Variants in SLC24A2 observed in about 807,000 individuals in gnomAD.
SLC24A2 encodes sodium/potassium/calcium exchanger 2.
A neutral mutation model predicts 62.0 loss-of-function variants in SLC24A2; 36 were observed. The observed-to-expected ratio is 0.58, with a 90% CI of 0.44 to 0.77. The LOEUF (loss-of-function observed/expected upper bound fraction) is 0.77. Among genes scored for constraint, SLC24A2 ranks in the 30% least tolerant of loss-of-function variants. The probability of loss-of-function intolerance (pLI) is 0.00; values close to 1 mark genes in which losing one functional copy is unlikely to be tolerated. For synonymous variants in SLC24A2, 358 were observed against 294.0 expected, an observed-to-expected ratio of 1.22 and a Z score of -2.23; for missense variants, 846 against 817.9, an observed-to-expected ratio of 1.03 and a Z score of -0.42.
chr9:20,093,494 A>G, the SLC24A2 span, among the ~76,000 whole-genome samples: 5 of 152,116 alleles, frequency 3.3e-5, no homozygotes, highest in Admixed American at 1.3e-4. Context: ...CTCATGAAAT[A>G]TTTGTCTTTT....
At chr9:19,882,975 T>A in the SLC24A2 span, among the ~76,000 whole-genome samples, 1 of 152,132 alleles carries the variant, frequency 6.6e-6, no homozygotes, top group Non-Finnish European at 1.5e-5. Context: ...TGACTAAACA[T>A]TTTTTTAGCA....
chr9:19,690,715 T>G (rs775550357), intron 2 of SLC24A2, among the ~76,000 whole-genome samples: 1 of 152,288 alleles, frequency 6.6e-6, no homozygotes, highest in East Asian at 1.9e-4. Context: ...TTTTTCCTTT[T>G]TGCATAAATG....
chr9:19,938,831 C>T, the SLC24A2 span, among the ~76,000 whole-genome samples: 17 of 152,142 alleles, frequency 1.1e-4, no homozygotes, highest in Admixed American at 1.1e-3. Context: ...TAACATTTTG[C>T]TCCGCACATT....
intron 2 of SLC24A2, among the ~76,000 whole-genome samples, chr9:19,675,340 C>T (rs547713367): frequency 6.6e-6 from 1 of 152,200 alleles, no homozygotes; most frequent in Admixed American, 6.5e-5. Context: ...GGCCTCCTGC[C>T]AGGAGGTGGC....
At chr9:20,020,986 A>G in the SLC24A2 span, among the ~76,000 whole-genome samples, 160 of 152,156 alleles carry the variant, frequency 1.1e-3, no homozygotes, top group Admixed American at 3.6e-3. Context: ...ACGAATCAGA[A>G]GTTTACCCAT....
chr9:19,774,888 A>G (rs1393399274), intron 2 of SLC24A2, among the ~76,000 whole-genome samples: 1 of 152,214 alleles, frequency 6.6e-6, no homozygotes, highest in Non-Finnish European at 1.5e-5. Flanking sequence ...TCTGTTGGCC[A>G]ACCCATAAGT....
the SLC24A2 span, among the ~76,000 whole-genome samples, chr9:20,076,719 C>T: frequency 6.6e-6 from 1 of 151,700 alleles, no homozygotes; most frequent in African/African-American, 2.4e-5. Context: ...GATAGGGAGA[C>T]ACAAAGGGGC....
the SLC24A2 span, among the ~76,000 whole-genome samples, chr9:19,888,966 C>T: frequency 2.0e-5 from 3 of 152,170 alleles, no homozygotes; most frequent in African/African-American, 7.2e-5. Flanking sequence ...GTAGCCTTCT[C>T]CTGGAGAATC....
the SLC24A2 span, among the ~76,000 whole-genome samples, chr9:20,155,971 T>A: frequency 6.6e-6 from 1 of 151,790 alleles, no homozygotes; most frequent in African/African-American, 2.4e-5. Flanking sequence ...TGTCATGCAT[T>A]ATAATAATTT....
At chr9:20,300,968 C>T in the SLC24A2 span, among the ~76,000 whole-genome samples, 1 of 152,166 alleles carries the variant, frequency 6.6e-6, no homozygotes, top group African/African-American at 2.4e-5. Context: ...CATACACACA[C>T]AAACAGTGTC....
chr9:19,598,813 G>A (rs1836771431), intron 4 of SLC24A2, among the ~76,000 whole-genome samples: 1 of 152,068 alleles, frequency 6.6e-6, no homozygotes, highest in Admixed American at 6.5e-5. Flanking sequence ...TATGTTCATA[G>A]TGGCTTCACA....
At chr9:19,674,299 A>G (rs996434671) in intron 2 of SLC24A2, among the ~76,000 whole-genome samples, 7 of 152,098 alleles carry the variant, frequency 4.6e-5, no homozygotes, top group African/African-American at 1.7e-4. Flanking sequence ...AGCTCTTAAG[A>G]TTCTTTCTTA....
the SLC24A2 span, among the ~76,000 whole-genome samples, chr9:20,248,485 G>A: frequency 6.6e-6 from 1 of 152,114 alleles, no homozygotes; most frequent in Admixed American, 6.6e-5. Context: ...GTTTTTAGAT[G>A]CCCATCTTCC....
intron 4 of SLC24A2, among the ~76,000 whole-genome samples, chr9:19,607,804 G>C (rs1837035401): frequency 6.6e-6 from 1 of 150,892 alleles, no homozygotes; most frequent in African/African-American, 2.4e-5. Context: ...ATTGGAGAAA[G>C]AAAGAGAGAG....
At chr9:20,224,091 A>C in the SLC24A2 span, among the ~76,000 whole-genome samples, 1 of 151,718 alleles carries the variant, frequency 6.6e-6, no homozygotes, top group Admixed American at 6.6e-5. Context: ...TGATCCAATC[A>C]CCTCCAACCA....
chr9:19,697,421 G>A (rs1258206856), intron 2 of SLC24A2, among the ~76,000 whole-genome samples: 1 of 152,116 alleles, frequency 6.6e-6, no homozygotes, highest in Non-Finnish European at 1.5e-5. Context: ...TTCGGCATAT[G>A]TACCCCAGAA....
the SLC24A2 span, among the ~76,000 whole-genome samples, chr9:20,096,841 T>A: frequency 1.3e-5 from 2 of 152,226 alleles, 1 homozygote; most frequent in Non-Finnish European, 2.9e-5. Flanking sequence ...TCATTTTGTT[T>A]TCAGAAAGCA....
At chr9:19,806,838 G>A in the SLC24A2 span, among the ~76,000 whole-genome samples, 320 of 152,234 alleles carry the variant, frequency 2.1e-3, 1 homozygote, top group African/African-American at 6.1e-3. Context: ...GATTCTAACA[G>A]CTTATAGATT....
the SLC24A2 span, among the ~76,000 whole-genome samples, chr9:19,808,961 C>T: frequency 6.6e-6 from 1 of 152,260 alleles, no homozygotes; most frequent in Admixed American, 6.5e-5. The surrounding 1 kb of genome is among the most constrained non-coding windows in gnomAD (Gnocchi z 4.1). Context: ...TATTTAATGC[C>T]TAGATCATAA....
Sources: allele counts gnomAD v4.1 joint callset (sites outside exome capture counted in the v4.1 genomes callset), GRCh38; gene constraint gnomAD v4.1.1; non-coding constraint Gnocchi (gnomAD v3.1); transcripts MANE v1.5; gene names NCBI Gene and HGNC (gene_info 2026-07-23, HGNC 2026-07-21).